MICAL3: variants seen among roughly 807,000 people sequenced by gnomAD.
The protein encoded by MICAL3 is [F-actin]-monooxygenase MICAL3.
Under a neutral mutation model 207.4 loss-of-function variants are expected in MICAL3, and 62 were observed. The ratio of observed to expected loss-of-function variants is 0.30; its 90% CI spans 0.24 to 0.37. The LOEUF (loss-of-function observed/expected upper bound fraction) is 0.37. MICAL3 is among the 10% of genes least tolerant of loss of function. MICAL3 has a pLI of 1.00. For synonymous variants in MICAL3, 1,077 were observed against 1,069.3 expected (o/e 1.01, Z -0.14); for missense variants, 2,368 against 2,635.6 (o/e 0.90, Z 2.22).
rs1569147160 is a variant in MICAL3 at position 17,958,696 on chromosome 22, G to GT, written c.-74-51811_-74-51810insA. 2.5e-3 allele frequency among the ~76,000 whole-genome samples: 311 copies of GT among 126,288 alleles called. 9 individuals carry two copies. Among genetic ancestry groups the GT allele is most frequent in the East Asian group, 0.011 (56 of 4,892 alleles). 82.8% of individuals were successfully genotyped at this position (126,288 alleles called of 152,430 possible). A position where few individuals can be genotyped will look rare whatever the true frequency, so the allele number is the denominator to read the frequency against. ...AGGGCCTGTTGTTTTTGAGTTGTTG[G>GT]GTTTTTTTATTTTTTTTTTCTTTTG... On this transcript the variant is annotated intron_variant, in intron 1 of 31. Coordinates refer to ENST00000441493, the MANE Select transcript of MICAL3 (RefSeq NM_015241.3).
intron 11 of MICAL3, 80 bp downstream of exon 11, chr22:17,893,728 G>C: frequency 9.4e-7 from 1 of 1,060,856 alleles, no homozygotes. Flanking sequence ...GCCTCGGACC[G>C]CACCTTGTGG....
At chr22:17,957,324 C>T (rs1346048246) in intron 1 of MICAL3, among the ~76,000 whole-genome samples, 1 of 152,134 alleles carries the variant, frequency 6.6e-6, no homozygotes, top group Non-Finnish European at 1.5e-5. Flanking sequence ...TCTCTAGGGT[C>T]CTTTTACATA....
chr22:17,885,641 T>C (rs1206069260), intron 16 of MICAL3, among the ~76,000 whole-genome samples: 1 of 152,144 alleles, frequency 6.6e-6, no homozygotes, highest in African/African-American at 2.4e-5. Flanking sequence ...TTTAGATCCC[T>C]CTGCTGATTC....
At chr22:17,830,619 T>C (rs1243213517) in intron 21 of MICAL3, among the ~76,000 whole-genome samples, 1 of 152,228 alleles carries the variant, frequency 6.6e-6, no homozygotes, top group Non-Finnish European at 1.5e-5. Flanking sequence ...CGCCGGCACC[T>C]GGCTCCGCAG....
At chr22:17,895,647 G>A (rs886077807) in intron 9 of MICAL3, among the ~76,000 whole-genome samples, 2 of 151,746 alleles carry the variant, frequency 1.3e-5, no homozygotes, top group East Asian at 1.9e-4. Flanking sequence ...AACCGTGAGC[G>A]CCCACAGATG....
intron 16 of MICAL3, chr22:17,876,739 TGGAGGTTAGGGAGGTTAA>T (rs1928420109): frequency 3.0e-5 from 4 of 133,026 alleles, no homozygotes; most frequent in African/African-American, 8.5e-5. Context: ...AGGGAGCTTA[TGGAGGTTAGGGAGGTTAA>T]GGAGGTTAGG....
chr22:17,888,944 C>T lies in MICAL3; in HGVS notation c.1891+90G>A, dbSNP rs1217812700. The T allele has an allele frequency of 5.5e-5, 45 of 820,180 alleles. 1 individual carries two copies. In the South Asian group the frequency reaches 8.9e-4, roughly 16 times the overall value. 50.8% of individuals were successfully genotyped at this position (820,180 alleles called of 1,614,324 possible). On this transcript the variant is annotated intron_variant, in intron 13 of 31. Transcript: ENST00000441493. ...CACAGAGTAACTTTGTGTTTGGTGG[C>T]ACTGCTGCGGGACAGTCGGAAGGAA...
chr22:17,944,696 G>A (rs1319745438), intron 1 of MICAL3, among the ~76,000 whole-genome samples: 6 of 152,126 alleles, frequency 3.9e-5, no homozygotes, highest in Non-Finnish European at 5.9e-5. Context: ...ACCCTTTCAC[G>A]TGCCGCTCCA....
intron 1 of MICAL3, among the ~76,000 whole-genome samples, chr22:17,973,889 C>A (rs927987776): frequency 6.6e-6 from 1 of 152,040 alleles, no homozygotes; most frequent in African/African-American, 2.4e-5. Flanking sequence ...CCACTGCACT[C>A]CAGCAACACA....
chr22:17,952,828 C>T (rs1934414255), intron 1 of MICAL3, among the ~76,000 whole-genome samples: 1 of 152,224 alleles, frequency 6.6e-6, no homozygotes, highest in Admixed American at 6.5e-5. Context: ...TCGATCCCAG[C>T]TCTGTCCATG....
At chr22:17,997,905 G>C (rs1374076893) in intron 1 of MICAL3, among the ~76,000 whole-genome samples, 1 of 150,536 alleles carries the variant, frequency 6.6e-6, no homozygotes, top group Non-Finnish European at 1.5e-5. Context: ...CAATGATCTG[G>C]TATCTTTAAG....
chr22:17,981,071 C>T (rs1935887417), intron 1 of MICAL3: 1 of 331,786 alleles, frequency 3.0e-6, no homozygotes, highest in African/African-American at 2.1e-5. Context: ...TCTCCAAAAA[C>T]ATGTGCATGT....
At position 17,948,784 on chromosome 22, in the gene MICAL3, G is replaced by A. The variant is rs142479662; in HGVS notation, c.-74-41898C>T. Among the ~76,000 whole-genome samples, 28 of 152,102 alleles carry A rather than the reference G, an allele frequency of 1.8e-4. No individual in the cohort carries two copies. The East Asian group carries it at 4.3e-3, about 23-fold the overall frequency. ...ATGAGCTGTGCCCACATGGTGGCATGTGCCTGTAGTCCCAGCTACTTGGGA... is the reference window on the plus strand; with the variant it reads ...ATGAGCTGTGCCCACATGGTGGCATATGCCTGTAGTCCCAGCTACTTGGGA... On this transcript the variant is annotated intron_variant, in intron 1 of 31. Coordinates refer to ENST00000441493, the MANE Select transcript of MICAL3 (RefSeq NM_015241.3).
chr22:17,865,910 A>G lies in MICAL3; in HGVS notation c.2517+14T>C. Reference sequence around the variant, plus strand: ...CCACTGCTTCTCCCCCACTTACAGGAGAGTCACCATTACCTTTCCAGACAG... The same window carrying G: ...CCACTGCTTCTCCCCCACTTACAGGGGAGTCACCATTACCTTTCCAGACAG... On this transcript the variant is annotated intron_variant, in intron 18 of 31. Transcript: ENST00000441493. 1.2e-6 allele frequency: 2 copies of G among 1,605,140 alleles called. No homozygotes were observed. Among genetic ancestry groups the G allele is most frequent in the Non-Finnish European group, 1.7e-6 (2 of 1,171,848 alleles).
In MICAL3 at chr22:17,888,985, C is replaced by A. The variant is rs201982994; in HGVS notation, c.1891+49G>T. 9 of 1,377,478 alleles carry A rather than the reference C, an allele frequency of 6.5e-6. No homozygotes were observed. In the Admixed American group the frequency reaches 1.7e-4, roughly 25 times the overall value. The allele number at this position is 1,377,478 out of a possible 1,614,324, so 85.3% of individuals were successfully genotyped here. On this transcript the variant is annotated intron_variant, in intron 13 of 31. Transcript: ENST00000441493. ...TCGGAAGGAAGGAAGAACAGCCGGGCCACAGCACAGCAGCAGGGGGCCGCA... is the reference window on the plus strand; with the variant it reads ...TCGGAAGGAAGGAAGAACAGCCGGGACACAGCACAGCAGCAGGGGGCCGCA...
At chr22:17,942,698 G>A (rs941163342) in intron 1 of MICAL3, among the ~76,000 whole-genome samples, 2 of 152,226 alleles carry the variant, frequency 1.3e-5, no homozygotes, top group Admixed American at 6.5e-5. Flanking sequence ...CAGAGTGTCT[G>A]AACAGCTATA....
At chr22:17,932,350 A>G (rs1195614184) in intron 1 of MICAL3, among the ~76,000 whole-genome samples, 1 of 152,212 alleles carries the variant, frequency 6.6e-6, no homozygotes, top group Non-Finnish European at 1.5e-5. Flanking sequence ...AGAATTTTCA[A>G]CCCAGAATTT....
At chr22:17,864,796 A>G (rs368377762) in intron 19 of MICAL3, 103 bp downstream of exon 19, 1 of 1,613,920 alleles carries the variant, frequency 6.2e-7, no homozygotes, top group Admixed American at 1.7e-5. Context: ...TTGTTGCCCG[A>G]ATGAAGAAAT....
intron 1 of MICAL3, among the ~76,000 whole-genome samples, chr22:17,994,253 T>C (rs1229657354): frequency 6.6e-6 from 1 of 152,164 alleles, no homozygotes; most frequent in African/African-American, 2.4e-5. Flanking sequence ...TAAGCTGACT[T>C]TCTGTGGGCT....
Sources: gnomAD v4.1 joint callset for allele counts (sites outside exome capture counted in the v4.1 genomes callset) on GRCh38, gnomAD v4.1.1 for gene constraint, MANE v1.5 for transcripts, NCBI Gene and HGNC (gene_info 2026-07-23, HGNC 2026-07-21) for gene names.